LGI4: variants seen among roughly 807,000 people sequenced by gnomAD.
LGI4 encodes leucine rich repeat LGI family member 4.
A neutral mutation model predicts 48.3 loss-of-function variants in LGI4; 36 were observed. The ratio of observed to expected loss-of-function variants is 0.75; its 90% CI spans 0.57 to 0.98. The LOEUF is 0.98. LGI4 is among the 50% of genes least tolerant of loss of function. The probability of loss-of-function intolerance (pLI) is 0.00; values close to 1 mark genes in which losing one functional copy is unlikely to be tolerated. For missense variants in LGI4, 701 were observed against 732.1 expected (o/e 0.96, Z 0.49); for synonymous variants, 355 against 331.6 (o/e 1.07, Z -0.77).
chr19:35,125,553 G>A (rs1246110818), intron 8 of LGI4, 46 bp from the exon 9 acceptor site: 8 of 1,461,980 alleles, frequency 5.5e-6, no homozygotes, highest in Middle Eastern at 1.8e-4. Context: ...GGGGGTCTCT[G>A]GGGGCCGTGG....
At position 35,126,218 on chromosome 19, in the gene LGI4, A is replaced by G. The variant is rs937087; in HGVS notation, c.1299+52T>C. The G allele has an allele frequency of 0.36, 566,796 of 1,580,818 alleles. 104,086 individuals carry two copies. The highest frequency in any genetic ancestry group is 0.52 in the South Asian group (45,681 of 87,440). On this transcript the variant is annotated intron_variant, in intron 8 of 8. Coordinates refer to ENST00000310123, the MANE Select transcript of LGI4 (RefSeq NM_139284.3). ...TCAGAGTTTAGAGGCTTAGTGTGCA[A>G]GATTGGGTCAGTGCTGAAAAGCCAG...
Position 35,134,109 on chromosome 19 carries a change from G to A in LGI4, c.171-5C>T, listed in dbSNP as rs943256946. 7 of 1,562,192 alleles carry A rather than the reference G, an allele frequency of 4.5e-6. No individual in the cohort carries two copies. Among genetic ancestry groups the A allele is most frequent in the South Asian group, 1.2e-5 (1 of 84,610 alleles). On this transcript the variant is annotated splice_region_variant and splice_polypyrimidine_tract_variant and intron_variant, in intron 1 of 8. Transcript: ENST00000310123. Reference sequence around the variant, plus strand: ...ACTCCCGTCCTGACGAGTGAGCTGGGGATGTGGGCAGTGGTAGGTGAGAGG... The same window carrying A: ...ACTCCCGTCCTGACGAGTGAGCTGGAGATGTGGGCAGTGGTAGGTGAGAGG...
intron 6 of LGI4, among the ~76,000 whole-genome samples, chr19:35,129,175 C>T (rs1030097622): frequency 6.6e-6 from 1 of 152,168 alleles, no homozygotes; most frequent in African/African-American, 2.4e-5. Context: ...ACTGAGTGGA[C>T]TTCAGTGAAC....
chr19:35,131,606 G>A, intron 5 of LGI4, 51 bp from the exon 6 acceptor site: 2 of 1,530,624 alleles, frequency 1.3e-6, no homozygotes, highest in South Asian at 1.2e-5. Context: ...ACGCCCTGGG[G>A]GCCATGCTCC....
chr19:35,132,232 A>G (rs1490467138), intron 3 of LGI4, among the ~76,000 whole-genome samples, 190 bp from the exon 4 acceptor site: 1 of 152,070 alleles, frequency 6.6e-6, no homozygotes, highest in Non-Finnish European at 1.5e-5. Context: ...AACTGGCCCC[A>G]TAGTCATTGC....
intron 6 of LGI4, among the ~76,000 whole-genome samples, chr19:35,129,178 C>T (rs1404758511): frequency 6.6e-6 from 1 of 152,180 alleles, no homozygotes; most frequent in Non-Finnish European, 1.5e-5. Context: ...GAGTGGACTT[C>T]AGTGAACATT....
rs1024443061 is a variant in LGI4 at position 35,124,754 on chromosome 19, T to C, written c.*439A>G. 5 of 155,844 alleles carry C rather than the reference T, an allele frequency of 3.2e-5. No homozygotes were observed. Among genetic ancestry groups the C allele is most frequent in the Non-Finnish European group, 7.1e-5 (5 of 70,662 alleles). The allele number at this position is 155,844 out of a possible 1,614,324, so 9.7% of individuals were successfully genotyped here. ...GTTGGCGCTCCTCCAGGAAAGCGAT[T>C]GGCTGCGTGGAGTTTAGAATGGGAA... On this transcript the variant is annotated 3_prime_UTR_variant, in exon 9 of 9. Coordinates refer to ENST00000310123, the MANE Select transcript of LGI4 (RefSeq NM_139284.3).
rs1211748761 is a variant in LGI4, at chr19:35,131,807, A to G, written c.440T>C (p.Leu147Pro). 2.6e-6 allele frequency: 4 copies of G among 1,567,550 alleles called. No homozygotes were observed. The highest frequency in any genetic ancestry group is 2.3e-5 in the East Asian group (1 of 42,554). The change falls in exon 5 of 9, where the codon CTG (leucine) becomes CCG (proline). Residue 147 changes from leucine to proline, a missense_variant. By Grantham distance (98) the Leu-to-Pro change is moderately conservative. Transcript: ENST00000310123. ...ETLPRFLFRG[L>P]DTLTHVDLRG... Reference sequence around the variant, plus strand: ...GCCTCACACATGAGTAAGGGTGTCCAGGCCTCGGAACAGGAATCTGGGGAG... The same window carrying G: ...GCCTCACACATGAGTAAGGGTGTCCGGGCCTCGGAACAGGAATCTGGGGAG...
intron 3 of LGI4, 23 bp from the exon 4 acceptor site, chr19:35,132,065 G>T: frequency 6.4e-7 from 1 of 1,558,462 alleles, no homozygotes; most frequent in Non-Finnish European, 8.7e-7. Context: ...GCTGGGGTCA[G>T]GGGGAGGCCC....
At chr19:35,131,934 G>A in intron 4 of LGI4, 37 bp downstream of exon 4, 1 of 1,573,194 alleles carries the variant, frequency 6.4e-7, no homozygotes, top group African/African-American at 1.3e-5. Context: ...GAGCATGGGT[G>A]CCTCTCATGG....
chr19:35,133,563 C>T, intron 3 of LGI4, 130 bp downstream of exon 3: 4 of 1,478,596 alleles, frequency 2.7e-6, no homozygotes, highest in East Asian at 5.0e-5. Context: ...TTTTTATCAA[C>T]ACCATCCCAC....
intron 8 of LGI4, chr19:35,125,775 C>T (rs1391421857): frequency 1.5e-6 from 1 of 660,414 alleles, no homozygotes. Context: ...GGCTGAACTC[C>T]ATCCCCTCCT....
intron 3 of LGI4, among the ~76,000 whole-genome samples, chr19:35,132,533 C>G (rs1470488515): frequency 6.6e-6 from 1 of 151,200 alleles, no homozygotes; most frequent in East Asian, 1.9e-4. Flanking sequence ...CCCCAACACC[C>G]ATGTCTGTTA....
Position 35,131,775 on chromosome 19 carries a change from C to A in LGI4, c.458+14G>T. The A allele has an allele frequency of 6.5e-7, 1 of 1,542,586 alleles. No homozygotes were observed. The highest frequency in any genetic ancestry group is 2.4e-5 in the East Asian group (1 of 41,364). Reference sequence around the variant, plus strand: ...TCCCCAACCCCCCACATTCCCAGCCCCCATGAGCCTCACACATGAGTAAGG... The same window carrying A: ...TCCCCAACCCCCCACATTCCCAGCCACCATGAGCCTCACACATGAGTAAGG... On this transcript the variant is annotated intron_variant, in intron 5 of 8. Transcript: ENST00000310123.
At chr19:35,133,280 C>T in intron 3 of LGI4, 1 of 1,007,692 alleles carries the variant, frequency 9.9e-7, no homozygotes, top group East Asian at 9.8e-5. Flanking sequence ...CAATCGTCAG[C>T]ACCACCCTCA....
Position 35,126,355 on chromosome 19 carries a change from T to C in LGI4, c.1214A>G (p.Glu405Gly). The change falls in exon 8 of 9, where the codon GAG becomes GGG. Residue 405 changes from glutamate to glycine, a missense_variant. By Grantham distance (98) the Glu-to-Gly change is moderately conservative. Transcript: ENST00000310123. The stretch of plus-strand genomic sequence containing the variant: ...GCGTGTGGCATAGACATCCTCGGCC[T>C]CGGGGATGTCTGTGCGTCTCTCGAA... Reference protein sequence around the residue: ...GRFERRTDIPEAEDVYATRHF... With the variant: ...GRFERRTDIPGAEDVYATRHF... 1 of 1,611,664 alleles carries C rather than the reference T, an allele frequency of 6.2e-7. No homozygotes were observed. Among genetic ancestry groups the C allele is most frequent in the Non-Finnish European group, 8.5e-7 (1 of 1,179,538 alleles).
At position 35,131,693 on chromosome 19, in the gene LGI4, C is replaced by T. The variant is rs1050532999; in HGVS notation, c.458+96G>A. On this transcript the variant is annotated intron_variant, in intron 5 of 8. Coordinates refer to ENST00000310123, the MANE Select transcript of LGI4 (RefSeq NM_139284.3). ...AAAAATACGTAAGAACCACTGCAGC[C>T]AAATGCATGCACGCCAACCAGAAGT... The T allele has an allele frequency of 2.2e-6, 3 of 1,388,812 alleles. No individual in the cohort carries two copies. The African/African-American group carries it at 4.3e-5, about 20-fold the overall frequency. 86.0% of individuals were successfully genotyped at this position (1,388,812 alleles called of 1,614,324 possible). A position where few individuals can be genotyped will look rare whatever the true frequency, so the allele number is the denominator to read the frequency against.
At chr19:35,131,893 C>T (rs1421336235) in intron 4 of LGI4, 33 bp from the exon 5 acceptor site, 18 of 1,564,778 alleles carry the variant, frequency 1.2e-5, no homozygotes. Context: ...CGTCAGCAGC[C>T]ACAAGGATAC....
chr19:35,129,135 C>T (rs1212469037), intron 6 of LGI4, among the ~76,000 whole-genome samples: 2 of 152,188 alleles, frequency 1.3e-5, no homozygotes, highest in East Asian at 3.8e-4. Flanking sequence ...GTCGCAACCA[C>T]AGTGACCATC....
Sources: allele counts gnomAD v4.1 joint callset (sites outside exome capture counted in the v4.1 genomes callset), GRCh38; gene constraint gnomAD v4.1.1; transcripts MANE v1.5; gene names NCBI Gene and HGNC (gene_info 2026-07-23, HGNC 2026-07-21).